SYNJ2: variants seen among roughly 807,000 people sequenced by gnomAD.
SYNJ2 encodes synaptojanin 2, also known as polyphosphatidylinositol phosphatase SYNJ2.
SYNJ2 carries 116 observed loss-of-function variants against 141.3 expected under a neutral mutation model. That is an observed-to-expected ratio of 0.82 (90% CI 0.71 to 0.96). The LOEUF is 0.96. Ranked by LOEUF, SYNJ2 falls within the 40% of genes least tolerant of loss-of-function variation. The pLI is 0.00. For synonymous variants in SYNJ2, 745 were observed against 777.7 expected (o/e 0.96, Z 0.70); for missense variants, 1,873 against 1,934.8 (o/e 0.97, Z 0.60).
rs534514858 is a variant in SYNJ2 at position 158,088,618 on chromosome 6, C to T, written c.3344-42C>T. ...CCTGGCAGCTGGCTGGGAAGTTGTG[C>T]CTTCACTGAGATTGAGACTCTGCCC... On this transcript the variant is annotated intron_variant, in intron 23 of 26. Coordinates refer to ENST00000355585, the MANE Select transcript of SYNJ2 (RefSeq NM_003898.4). The T allele has an allele frequency of 1.1e-4, 170 of 1,487,554 alleles. 2 individuals are homozygous for T. The South Asian group carries it at 1.8e-3, about 16-fold the overall frequency. 92.1% of individuals were successfully genotyped at this position (1,487,554 alleles called of 1,614,324 possible).
chr6:158,088,892 C>A, intron 24 of SYNJ2, 120 bp downstream of exon 24: 2 of 705,348 alleles, frequency 2.8e-6, no homozygotes, highest in South Asian at 1.8e-5. Context: ...CTCACCATCT[C>A]ATCTCCAAAC....
intron 13 of SYNJ2, 142 bp downstream of exon 13, chr6:158,068,870 C>T (rs1404623630): frequency 1.2e-6 from 1 of 820,050 alleles, no homozygotes; most frequent in East Asian, 2.5e-5. Flanking sequence ...GGATCTCTCA[C>T]CTGGCTCCTT....
chr6:158,011,086 G>A (rs1778251098), intron 1 of SYNJ2, among the ~76,000 whole-genome samples: 1 of 151,960 alleles, frequency 6.6e-6, no homozygotes, highest in Non-Finnish European at 1.5e-5. Context: ...AGGAGAGGAT[G>A]GCCACATGAC....
At chr6:158,017,451 G>A (rs1322654890) in intron 2 of SYNJ2, 161 bp downstream of exon 2, 101 of 1,031,062 alleles carry the variant, frequency 9.8e-5, no homozygotes, top group Non-Finnish European at 1.2e-4. Flanking sequence ...TTTTGCTCTT[G>A]TTGCCCAGGC....
At chr6:157,990,882 C>A (rs765002987) in intron 1 of SYNJ2, among the ~76,000 whole-genome samples, 1 of 152,000 alleles carries the variant, frequency 6.6e-6, no homozygotes, top group African/African-American at 2.4e-5. Flanking sequence ...GTGTCCTTTC[C>A]CACCTCTCTG....
intron 23 of SYNJ2, among the ~76,000 whole-genome samples, chr6:158,088,034 A>ATTTTTTTTTTTTTTTTTTTTTT (rs568222551): frequency 6.3e-5 from 2 of 31,866 alleles, no homozygotes; most frequent in Non-Finnish European, 1.4e-4. Flanking sequence ...CTGCTTTGGA[A>ATTTTTTTTTTTTTTTTTTTTTT]TTTTTTTTTT....
At chr6:158,091,460 GGCTGGGT>G (rs1357806021) in intron 25 of SYNJ2, among the ~76,000 whole-genome samples, 6 of 150,330 alleles carry the variant, frequency 4.0e-5, no homozygotes, top group African/African-American at 1.5e-4. Flanking sequence ...AAAAGAATGG[GGCTGGGT>G]GCTGGGTGCA....
intron 18 of SYNJ2, among the ~76,000 whole-genome samples, chr6:158,080,313 A>G (rs1782589446): frequency 1.3e-5 from 2 of 152,038 alleles, no homozygotes; most frequent in South Asian, 4.2e-4. Flanking sequence ...CATCTCTACC[A>G]AAAATACAAA....
intron 13 of SYNJ2, 150 bp downstream of exon 13, chr6:158,068,878 C>T (rs959506462): frequency 1.5e-5 from 11 of 752,626 alleles, no homozygotes; most frequent in African/African-American, 1.4e-4. Context: ...CACCTGGCTC[C>T]TTCTCTATGC....
chr6:158,058,943 T>C (rs983211256), intron 6 of SYNJ2, among the ~76,000 whole-genome samples: 7 of 152,156 alleles, frequency 4.6e-5, no homozygotes, highest in Non-Finnish European at 7.4e-5. Context: ...AAAAACAAAA[T>C]TCTCTTGATG....
At chr6:158,064,792 C>G (rs759689415) in intron 10 of SYNJ2, 34 bp from the exon 11 acceptor site, 34 of 1,610,976 alleles carry the variant, frequency 2.1e-5, no homozygotes, top group Non-Finnish European at 2.6e-5. Flanking sequence ...CCCCAGGGAC[C>G]CCCCTCACGG....
chr6:158,010,221 G>T (rs1269741307), intron 1 of SYNJ2, among the ~76,000 whole-genome samples: 1 of 152,242 alleles, frequency 6.6e-6, no homozygotes, highest in Non-Finnish European at 1.5e-5. Flanking sequence ...TGCCTGGCTA[G>T]CTTCATTTGC....
At chr6:158,072,035 G>C (rs1192574886) in intron 15 of SYNJ2, among the ~76,000 whole-genome samples, 4 of 152,212 alleles carry the variant, frequency 2.6e-5, no homozygotes, top group Non-Finnish European at 5.9e-5. Context: ...ATTCCTGAGT[G>C]TCTGCATGGC....
chr6:158,088,676 A>G lies in SYNJ2; in HGVS notation c.3360A>G (p.Lys1120=). The G allele has an allele frequency of 1.2e-6, 2 of 1,614,012 alleles. No homozygotes were observed. The highest frequency in any genetic ancestry group is 8.5e-7 in the Non-Finnish European group (1 of 1,179,952). The change falls in exon 24 of 27, where the codon AAA becomes AAG. Residue 1120 remains lysine, a synonymous_variant. Coordinates refer to ENST00000355585, the MANE Select transcript of SYNJ2 (RefSeq NM_003898.4). ...RPPPPTGLMV[K]KSASDASISS... ...TTTTTACAGCCGGTTTAATGGTGAAAAAGTCGGCTTCAGATGCGTCCATCT... is the reference window on the plus strand; with the variant it reads ...TTTTTACAGCCGGTTTAATGGTGAAGAAGTCGGCTTCAGATGCGTCCATCT...
intron 23 of SYNJ2, 38 bp from the exon 24 acceptor site, chr6:158,088,617 GCCTTC>G: frequency 6.8e-7 from 1 of 1,478,088 alleles, no homozygotes; most frequent in South Asian, 1.1e-5. Context: ...GGGAAGTTGT[GCCTTC>G]ACTGAGATTG....
chr6:158,095,436 C>A (rs556187783), intron 26 of SYNJ2, among the ~76,000 whole-genome samples, 182 bp from the exon 27 acceptor site: 2 of 152,236 alleles, frequency 1.3e-5, no homozygotes, highest in East Asian at 3.9e-4. Context: ...GTGTGTTTCT[C>A]CTGTGCTTTT....
chr6:158,062,878 G>T (rs1055393764), intron 8 of SYNJ2, among the ~76,000 whole-genome samples: 9 of 152,114 alleles, frequency 5.9e-5, no homozygotes, highest in African/African-American at 2.2e-4. Flanking sequence ...GGGATCTCAT[G>T]GTTTAGAATG....
intron 24 of SYNJ2, 57 bp from the exon 25 acceptor site, chr6:158,089,782 A>G: frequency 7.4e-7 from 1 of 1,357,214 alleles, no homozygotes; most frequent in Non-Finnish European, 1.0e-6. Context: ...GATACGTCCC[A>G]CGAGGCTGTC....
intron 1 of SYNJ2, among the ~76,000 whole-genome samples, chr6:157,998,068 G>A (rs766321167): frequency 1.2e-4 from 18 of 152,334 alleles, no homozygotes; most frequent in African/African-American, 3.1e-4. Context: ...ATTCTTGGCC[G>A]GTCTGCTCAG....
Sources: allele counts gnomAD v4.1 joint callset (sites outside exome capture counted in the v4.1 genomes callset), GRCh38; gene constraint gnomAD v4.1.1; transcripts MANE v1.5; gene names NCBI Gene and HGNC (gene_info 2026-07-23, HGNC 2026-07-21).